DENND1A: variants seen among roughly 807,000 people sequenced by gnomAD.
DENND1A encodes the protein DENN domain-containing protein 1A.
Under a neutral mutation model 113.7 loss-of-function variants are expected in DENND1A, and 51 were observed. The ratio of observed to expected loss-of-function variants is 0.45; its 90% CI spans 0.36 to 0.57. The LOEUF is 0.57. Ranked by LOEUF, DENND1A falls within the 20% of genes least tolerant of loss-of-function variation. DENND1A has a pLI of 0.00. For synonymous variants in DENND1A, 565 were observed against 570.8 expected (o/e 0.99, Z 0.14); for missense variants, 1,258 against 1,395.9 (o/e 0.90, Z 1.57).
intron 11 of DENND1A, among the ~76,000 whole-genome samples, chr9:123,596,274 G>C (rs1006525692): frequency 3.3e-5 from 5 of 152,196 alleles, no homozygotes; most frequent in African/African-American, 1.2e-4. Context: ...CTTGTTTAGT[G>C]ATGTTTCCTG....
At chr9:123,486,097 A>G (rs1157977144) in intron 13 of DENND1A, among the ~76,000 whole-genome samples, 1 of 152,118 alleles carries the variant, frequency 6.6e-6, no homozygotes, top group African/African-American at 2.4e-5. Context: ...TGGCATTGTC[A>G]CTTTTCTCAG....
At chr9:123,604,843 A>C (rs976604813) in intron 11 of DENND1A, among the ~76,000 whole-genome samples, 3 of 152,220 alleles carry the variant, frequency 2.0e-5, no homozygotes, top group Non-Finnish European at 4.4e-5. Flanking sequence ...ACAGTTTCAA[A>C]GCCATCAGCT....
chr9:123,661,390 G>C (rs2063226951), intron 8 of DENND1A, among the ~76,000 whole-genome samples: 1 of 152,192 alleles, frequency 6.6e-6, no homozygotes, highest in Non-Finnish European at 1.5e-5. Flanking sequence ...CACTGAAAAT[G>C]AGTACTAAAC....
At chr9:123,396,413 C>T (rs1261567731) in intron 21 of DENND1A, among the ~76,000 whole-genome samples, 1 of 152,228 alleles carries the variant, frequency 6.6e-6, no homozygotes, top group South Asian at 2.1e-4. Flanking sequence ...GGAAAGTGCT[C>T]TACCCCTGTG....
chr9:123,803,106 G>C (rs1006142035), intron 2 of DENND1A, among the ~76,000 whole-genome samples: 1 of 152,078 alleles, frequency 6.6e-6, no homozygotes, highest in Non-Finnish European at 1.5e-5. Flanking sequence ...TCTGCCTTGT[G>C]CCTCTTTGTC....
intron 4 of DENND1A, among the ~76,000 whole-genome samples, chr9:123,768,301 C>T (rs986125850): frequency 6.6e-6 from 1 of 152,156 alleles, no homozygotes; most frequent in Non-Finnish European, 1.5e-5. Context: ...TCCAGAGTTG[C>T]TTTTTAGTAC....
intron 2 of DENND1A, among the ~76,000 whole-genome samples, chr9:123,827,394 T>A (rs12237793): frequency 1.4e-5 from 1 of 71,882 alleles, no homozygotes; most frequent in Non-Finnish European, 2.6e-5. Flanking sequence ...GGATATATAA[T>A]ATATATATAT....
intron 2 of DENND1A, among the ~76,000 whole-genome samples, chr9:123,863,299 C>G (rs1238702089): frequency 6.6e-6 from 1 of 152,170 alleles, no homozygotes; most frequent in Non-Finnish European, 1.5e-5. Flanking sequence ...GAGATTAGGG[C>G]ACAAGCTACA....
intron 8 of DENND1A, among the ~76,000 whole-genome samples, chr9:123,653,562 C>T (rs940688739): frequency 6.6e-5 from 10 of 152,138 alleles, no homozygotes; most frequent in South Asian, 4.1e-4. Context: ...TATCCCTCTA[C>T]GAAGATGAGA....
intron 12 of DENND1A, among the ~76,000 whole-genome samples, chr9:123,558,810 T>C (rs149942624): frequency 2.0e-5 from 3 of 152,324 alleles, no homozygotes; most frequent in East Asian, 1.9e-4. Flanking sequence ...ATAAGAGGAA[T>C]TGTGCGACGT....
chr9:123,486,050 A>G (rs2050834883), intron 13 of DENND1A, among the ~76,000 whole-genome samples: 1 of 152,298 alleles, frequency 6.6e-6, no homozygotes, highest in Non-Finnish European at 1.5e-5. Flanking sequence ...GGTGGGGTGC[A>G]TGGGAGCAGG....
At chr9:123,444,603 G>A (rs925366151) in intron 18 of DENND1A, among the ~76,000 whole-genome samples, 6 of 152,186 alleles carry the variant, frequency 3.9e-5, no homozygotes, top group African/African-American at 1.2e-4. Context: ...GCAGTGAGCC[G>A]AGACTGCGCC....
intron 12 of DENND1A, among the ~76,000 whole-genome samples, chr9:123,580,110 CTGTGCCAAGCATT>C (rs1205930937): frequency 6.6e-6 from 1 of 152,222 alleles, no homozygotes; most frequent in Non-Finnish European, 1.5e-5. Context: ...CATGCAAGCA[CTGTGCCAAGCATT>C]TGATAATCAT....
intron 1 of DENND1A, among the ~76,000 whole-genome samples, chr9:123,897,578 A>T (rs1850960519): frequency 1.3e-5 from 2 of 152,188 alleles, no homozygotes; most frequent in Admixed American, 1.3e-4. Context: ...AGGGAGCCGC[A>T]GGGCACTGAG....
intron 5 of DENND1A, among the ~76,000 whole-genome samples, chr9:123,743,583 T>G (rs1173820202): frequency 6.6e-6 from 1 of 151,308 alleles, no homozygotes; most frequent in Non-Finnish European, 1.5e-5. Flanking sequence ...ACTACAAAAC[T>G]TAGCTGAGCA....
chr9:123,861,719 T>C (rs1283301170), intron 2 of DENND1A, among the ~76,000 whole-genome samples: 1 of 152,150 alleles, frequency 6.6e-6, no homozygotes, highest in Non-Finnish European at 1.5e-5. Context: ...CACTGTGAAC[T>C]TGATGAAGAT....
chr9:123,845,871 T>C (rs997295098), intron 2 of DENND1A, among the ~76,000 whole-genome samples: 4 of 151,974 alleles, frequency 2.6e-5, no homozygotes, highest in Admixed American at 6.6e-5. Flanking sequence ...ATTAGATAAA[T>C]AGGACTTCAC....
At chr9:123,743,903 T>C (rs994191318) in intron 5 of DENND1A, among the ~76,000 whole-genome samples, 1 of 152,078 alleles carries the variant, frequency 6.6e-6, no homozygotes, top group East Asian at 1.9e-4. Context: ...AGAATCAAAA[T>C]TTGAACACAG....
intron 21 of DENND1A, among the ~76,000 whole-genome samples, chr9:123,394,669 G>A (rs2043026429): frequency 6.6e-6 from 1 of 152,160 alleles, no homozygotes; most frequent in Non-Finnish European, 1.5e-5. Flanking sequence ...CAGCATGCCC[G>A]AGAAGCCCTT....
Sources: allele counts gnomAD v4.1 joint callset (sites outside exome capture counted in the v4.1 genomes callset), GRCh38; gene constraint gnomAD v4.1.1; transcripts MANE v1.5; gene names NCBI Gene and HGNC (gene_info 2026-07-23, HGNC 2026-07-21).